The following ITPRID1 variants were observed in gnomAD, a reference collection of about 807,000 sequenced individuals.
The protein encoded by ITPRID1 is protein ITPRID1.
ITPRID1 carries 96 observed loss-of-function variants against 95.4 expected under a neutral mutation model. The ratio of observed to expected loss-of-function variants is 1.01; its 90% CI spans 0.85 to 1.19. ITPRID1 has a LOEUF of 1.19. Ranked by LOEUF, ITPRID1 falls within the 50% of genes most tolerant of loss-of-function variation. The probability of loss-of-function intolerance (pLI) is 0.00; values close to 1 mark genes in which losing one functional copy is unlikely to be tolerated. For synonymous variants in ITPRID1, 510 were observed against 453.6 expected, an observed-to-expected ratio of 1.12 and a Z score of -1.58; for missense variants, 1,339 against 1,252.9, an observed-to-expected ratio of 1.07 and a Z score of -1.04.
At chr7:31,615,366 T>C (rs192513658) in intron 10 of ITPRID1, among the ~76,000 whole-genome samples, 76 of 152,284 alleles carry the variant, frequency 5.0e-4, no homozygotes, top group African/African-American at 1.7e-3. Flanking sequence ...ATGATGGGCG[T>C]AATAAAATCT....
At chr7:31,658,299 CTT>C (rs35589779), downstream of ITPRID1, 7 of 1,388,172 alleles carry the variant, frequency 5.0e-6, no homozygotes, top group South Asian at 1.4e-5. Context: ...AGCTGGATCC[CTT>C]TTTTTTTTCT....
At chr7:31,602,981 AC>A (rs886212931) in intron 10 of ITPRID1, among the ~76,000 whole-genome samples, 1 of 138,424 alleles carries the variant, frequency 7.2e-6, no homozygotes, top group African/African-American at 2.7e-5. Context: ...TCCATATATC[AC>A]CCCCTCATCG....
chr7:31,643,997 T>C (rs1415823629), intron 12 of ITPRID1, 44 bp downstream of exon 12: 2 of 1,502,698 alleles, frequency 1.3e-6, no homozygotes, highest in Admixed American at 2.0e-5. Context: ...GATGCACCCG[T>C]GATAAACACC....
At chr7:31,578,577 A>T in intron 9 of ITPRID1, 143 bp downstream of exon 9, 1 of 610,636 alleles carries the variant, frequency 1.6e-6, no homozygotes, top group Non-Finnish European at 2.6e-6. Context: ...TAGTGATTTA[A>T]AGTCATTCTA....
chr7:31,521,218 T>G (rs1287930765), intron 1 of ITPRID1, among the ~76,000 whole-genome samples: 2 of 152,146 alleles, frequency 1.3e-5, no homozygotes, highest in Non-Finnish European at 2.9e-5. Context: ...TGCTATAACT[T>G]TCCCTCCAAA....
chr7:31,527,233 A>AT (rs1375655882), intron 1 of ITPRID1, among the ~76,000 whole-genome samples: 21 of 152,166 alleles, frequency 1.4e-4, no homozygotes, highest in Non-Finnish European at 2.6e-4. Flanking sequence ...AGTCAAAGTT[A>AT]ATTACATTAC....
intron 10 of ITPRID1, among the ~76,000 whole-genome samples, chr7:31,612,125 G>A (rs910458601): frequency 6.6e-6 from 1 of 151,892 alleles, no homozygotes; most frequent in East Asian, 1.9e-4. Context: ...TCTCAGATCT[G>A]ATGTTGAGGT....
chr7:31,519,823 G>C (rs1024523533), intron 1 of ITPRID1, among the ~76,000 whole-genome samples: 1 of 151,274 alleles, frequency 6.6e-6, no homozygotes, highest in Non-Finnish European at 1.5e-5. Context: ...AAATTGTAGA[G>C]ATCTCTCTAC....
intron 2 of ITPRID1, 140 bp downstream of exon 2, chr7:31,549,639 C>T (rs1784217205): frequency 3.6e-6 from 2 of 547,950 alleles, no homozygotes; most frequent in Non-Finnish European, 6.0e-6. Flanking sequence ...AGCAGCAGAG[C>T]TGATATTAAA....
Position 31,643,579 on chromosome 7 carries a change from T to C in ITPRID1, c.2209T>C (p.Cys737Arg), listed in dbSNP as rs1308723140. 1 of 1,614,026 alleles carries C rather than the reference T, an allele frequency of 6.2e-7. No individual in the cohort carries two copies. The highest frequency in any genetic ancestry group is 8.5e-7 in the Non-Finnish European group (1 of 1,179,902). The change falls in exon 12 of 15, where the codon TGC (cysteine) becomes CGC (arginine). Residue 737 changes from cysteine to arginine, a missense_variant. Cys to Arg is a radical substitution (Grantham distance 180). Coordinates refer to ENST00000615280, the MANE Select transcript of ITPRID1 (RefSeq NM_001257967.3). ...TGGTCCCAGAGGAACATCTTTAGAA[T>C]GCACTGTGTGTGATCCTGTTACCGC... ...GTGPRGTSLE[C>R]TVCDPVTATE...
intron 10 of ITPRID1, among the ~76,000 whole-genome samples, chr7:31,583,496 T>A (rs1235674726): frequency 6.6e-6 from 1 of 152,012 alleles, no homozygotes; most frequent in Non-Finnish European, 1.5e-5. Flanking sequence ...GGCGCAGTGG[T>A]GCGCACCTGT....
At chr7:31,578,628 T>C (rs1785285796) in intron 9 of ITPRID1, among the ~76,000 whole-genome samples, 194 bp downstream of exon 9, 1 of 152,244 alleles carries the variant, frequency 6.6e-6, no homozygotes, top group African/African-American at 2.4e-5. Flanking sequence ...AACCAGCCTC[T>C]GCTTGCTCCA....
intron 10 of ITPRID1, among the ~76,000 whole-genome samples, chr7:31,630,396 G>A (rs918707824): frequency 6.6e-6 from 1 of 151,966 alleles, no homozygotes; most frequent in African/African-American, 2.4e-5. Context: ...TCAAAATCAG[G>A]CCTACTTAAA....
At chr7:31,584,399 G>A (rs1031389188) in intron 10 of ITPRID1, among the ~76,000 whole-genome samples, 2 of 152,242 alleles carry the variant, frequency 1.3e-5, no homozygotes, top group African/African-American at 2.4e-5. Flanking sequence ...AGGCTTATAA[G>A]ACAAAAATAA....
At chr7:31,609,693 T>C (rs959303407) in intron 10 of ITPRID1, among the ~76,000 whole-genome samples, 2 of 151,514 alleles carry the variant, frequency 1.3e-5, no homozygotes, top group African/African-American at 4.8e-5. Flanking sequence ...TCTTTATCAT[T>C]CTAGCTAAAG....
chr7:31,514,823 T>G (rs2128125070), intron 1 of ITPRID1, among the ~76,000 whole-genome samples: 1 of 152,042 alleles, frequency 6.6e-6, no homozygotes, highest in African/African-American at 2.4e-5. Context: ...CACAAATAGA[T>G]ATATAAATTG....
chr7:31,614,376 T>TA (rs533833686), intron 10 of ITPRID1, among the ~76,000 whole-genome samples: 3 of 152,102 alleles, frequency 2.0e-5, no homozygotes, highest in East Asian at 1.9e-4. Flanking sequence ...AATAACTTGT[T>TA]AAAAAAACTC....
chr7:31,598,625 T>C lies in ITPRID1; in HGVS notation c.1228+15434T>C, dbSNP rs10278517. Among the ~76,000 whole-genome samples, 22 of 151,590 alleles carry C rather than the reference T, an allele frequency of 1.5e-4. No homozygotes were observed. The East Asian group carries it at 3.3e-3, about 23-fold the overall frequency. ...TCACCGTGTTAGCCAGGATGGTCTCTATCTCCTGACCTCGTGATCCGCCCG... is the reference window on the plus strand; with the variant it reads ...TCACCGTGTTAGCCAGGATGGTCTCCATCTCCTGACCTCGTGATCCGCCCG... On this transcript the variant is annotated intron_variant, in intron 10 of 14. Transcript: ENST00000615280.
At chr7:31,650,661 T>G (rs1299384593) in intron 12 of ITPRID1, among the ~76,000 whole-genome samples, 1 of 152,170 alleles carries the variant, frequency 6.6e-6, no homozygotes, top group Non-Finnish European at 1.5e-5. Flanking sequence ...TAAGCAGGAC[T>G]AAGACTAATA....
Sources: allele counts gnomAD v4.1 joint callset (sites outside exome capture counted in the v4.1 genomes callset), GRCh38; gene constraint gnomAD v4.1.1; transcripts MANE v1.5; gene names NCBI Gene and HGNC (gene_info 2026-07-23, HGNC 2026-07-21).